NYAP2: variants seen among roughly 807,000 people sequenced by gnomAD.
The protein encoded by NYAP2 is neuronal tyrosine-phosphorylated phosphoinositide-3-kinase adaptor 2, also known as neuronal tyrosine-phosphorylated phosphoinositide-3-kinase adapter 2.
Under a neutral mutation model 50.4 loss-of-function variants are expected in NYAP2, and 23 were observed. That is an observed-to-expected ratio of 0.46 (90% confidence interval 0.33 to 0.65). The LOEUF is 0.65. Ranked by LOEUF, NYAP2 falls within the 30% of genes least tolerant of loss-of-function variation. The probability of loss-of-function intolerance (pLI) is 0.02; values close to 1 mark genes in which losing one functional copy is unlikely to be tolerated. For synonymous variants in NYAP2, 394 were observed against 365.2 expected, an observed-to-expected ratio of 1.08 and a Z score of -0.90; for missense variants, 885 against 861.0, an observed-to-expected ratio of 1.03 and a Z score of -0.35.
chr2:225,427,421 C>G (rs1230769563), intron 3 of NYAP2, among the ~76,000 whole-genome samples: 1 of 152,176 alleles, frequency 6.6e-6, no homozygotes, highest in African/African-American at 2.4e-5. Flanking sequence ...TCCGTCTTGA[C>G]AGATTGTAGT....
the NYAP2 span, among the ~76,000 whole-genome samples, chr2:225,664,405 T>TAACA: frequency 6.6e-6 from 1 of 152,180 alleles, no homozygotes; most frequent in Non-Finnish European, 1.5e-5. Flanking sequence ...AAATAATTGC[T>TAACA]AACAGTGGAA....
rs183216725 is a variant in NYAP2, at chr2:225,463,597, T to G, written c.222-49774T>G. Among the ~76,000 whole-genome samples, 131 of 152,374 alleles carry G rather than the reference T, an allele frequency of 8.6e-4. 1 individual carries two copies. Among genetic ancestry groups the G allele is most frequent in the Non-Finnish European group, 6.0e-4 (41 of 68,040 alleles). On this transcript the variant is annotated intron_variant, in intron 3 of 6. Coordinates refer to ENST00000636099, the Ensembl canonical transcript of NYAP2. ...ACAAAAATAAGTGCTGGGCTTATTT[T>G]ATTGTCAATCAAGATTTAATTGTGC...
At chr2:225,616,008 G>T (rs1389918779) in intron 5 of NYAP2, among the ~76,000 whole-genome samples, 5 of 152,166 alleles carry the variant, frequency 3.3e-5, no homozygotes, top group South Asian at 2.1e-4. Context: ...ATTGCTGTTT[G>T]TGCGATCTTG....
At chr2:225,595,204 A>G (rs1692575462) in intron 5 of NYAP2, among the ~76,000 whole-genome samples, 1 of 152,212 alleles carries the variant, frequency 6.6e-6, no homozygotes, top group South Asian at 2.1e-4. Context: ...AAGAATAAGG[A>G]TGAAAAAACA....
intron 3 of NYAP2, among the ~76,000 whole-genome samples, chr2:225,496,503 T>C (rs925456250): frequency 2.6e-5 from 4 of 152,160 alleles, no homozygotes; most frequent in African/African-American, 9.7e-5. Flanking sequence ...ATCCTGTATT[T>C]TCCAAGGTTT....
chr2:225,659,612 T>G, the NYAP2 span, among the ~76,000 whole-genome samples: 1 of 152,090 alleles, frequency 6.6e-6, no homozygotes, highest in Non-Finnish European at 1.5e-5. Flanking sequence ...TATTAACCAG[T>G]CAAAAACCTG....
At chr2:225,622,951 T>G (rs1693148388) in intron 5 of NYAP2, among the ~76,000 whole-genome samples, 1 of 152,196 alleles carries the variant, frequency 6.6e-6, no homozygotes. Flanking sequence ...CTATAAATAC[T>G]TAGGTCCTCC....
At chr2:225,501,528 C>G (rs1690607369) in intron 3 of NYAP2, among the ~76,000 whole-genome samples, 1 of 152,086 alleles carries the variant, frequency 6.6e-6, no homozygotes, top group Non-Finnish European at 1.5e-5. Context: ...TGCCTGGGGT[C>G]ACAAAACTAG....
chr2:225,583,982 T>A (rs1021144550), intron 5 of NYAP2, among the ~76,000 whole-genome samples: 1 of 151,986 alleles, frequency 6.6e-6, no homozygotes, highest in African/African-American at 2.4e-5. Context: ...GCAGAGCTTG[T>A]AGTGAGCCCA....
At chr2:225,701,238 A>C in the NYAP2 span, 1 of 151,996 alleles carries the variant, frequency 6.6e-6, no homozygotes, top group African/African-American at 2.4e-5. Context: ...CTCTGAAAGT[A>C]ATCAACTGGG....
chr2:225,697,951 T>A, the NYAP2 span, among the ~76,000 whole-genome samples: 1 of 151,846 alleles, frequency 6.6e-6, no homozygotes, highest in Non-Finnish European at 1.5e-5. Context: ...GGCGGGAGAA[T>A]TGCTTGAACC....
intron 5 of NYAP2, among the ~76,000 whole-genome samples, chr2:225,602,143 T>C (rs771570203): frequency 6.6e-6 from 1 of 152,170 alleles, no homozygotes; most frequent in Admixed American, 6.5e-5. Flanking sequence ...GGGGTTTTTA[T>C]GGACTGGAAG....
At chr2:225,406,304 G>C (rs1168643858) in intron 2 of NYAP2, among the ~76,000 whole-genome samples, 1 of 151,850 alleles carries the variant, frequency 6.6e-6, no homozygotes, top group Non-Finnish European at 1.5e-5. Flanking sequence ...TAAACAAAGA[G>C]GTGTGATGTT....
rs201552006 is a variant in NYAP2 at position 225,449,601 on chromosome 2, CTTTTTTTTTTTT to C, written c.221+40514_221+40525del. On this transcript the variant is annotated intron_variant, in intron 3 of 6. Transcript: ENST00000636099. ...ACCAGATCTCTCTCTCTCTCTTTCT[CTTTTTTTTTTTT>C]TTTTTTTTTTTTTGAGACAGAGTCT... Among the ~76,000 whole-genome samples the C allele has an allele frequency of 6.3e-3, 611 of 96,346 alleles. 4 individuals carry two copies. The highest frequency in any genetic ancestry group is 0.042 in the East Asian group (139 of 3,296). The allele number at this position is 96,346 out of a possible 152,430, so 63.2% of individuals were successfully genotyped here. A position where few individuals can be genotyped will look rare whatever the true frequency, so the allele number is the denominator to read the frequency against.
chr2:225,416,388 A>G (rs545009581), intron 3 of NYAP2, among the ~76,000 whole-genome samples: 6 of 152,250 alleles, frequency 3.9e-5, no homozygotes, highest in African/African-American at 1.2e-4. Context: ...TAGGTGCTCT[A>G]TATATTTTTT....
intron 3 of NYAP2, among the ~76,000 whole-genome samples, chr2:225,470,819 G>C (rs1690001307): frequency 6.6e-6 from 1 of 151,056 alleles, no homozygotes; most frequent in Admixed American, 6.6e-5. Flanking sequence ...ATATGTGTGT[G>C]TGTGTGTATA....
the NYAP2 span, among the ~76,000 whole-genome samples, chr2:225,685,586 T>G: frequency 6.7e-4 from 102 of 152,326 alleles, 1 homozygote; most frequent in East Asian, 0.018. Context: ...CTAGGTTGAA[T>G]TACTGAGAAA....
rs149117983 is a variant in NYAP2 at position 225,405,624 on chromosome 2, A to G, written c.-17-3240A>G. Among the ~76,000 whole-genome samples the G allele has an allele frequency of 3.5e-3, 537 of 152,130 alleles. 3 individuals are homozygous for G. The highest frequency in any genetic ancestry group is 0.012 in the African/African-American group (510 of 41,534). ...TGTTGTAATGAAGTAGACAATGAACATAAGGTTCTCTTTTCTCTAGTGAGG... is the reference window on the plus strand; with the variant it reads ...TGTTGTAATGAAGTAGACAATGAACGTAAGGTTCTCTTTTCTCTAGTGAGG... On this transcript the variant is annotated intron_variant, in intron 2 of 6. Transcript: ENST00000636099.
the NYAP2 span, among the ~76,000 whole-genome samples, chr2:225,669,856 G>T: frequency 2.0e-5 from 3 of 152,246 alleles, 1 homozygote; most frequent in South Asian, 6.2e-4. Context: ...GGGCAAGAAG[G>T]TTAAATAAAT....
Sources: allele counts gnomAD v4.1 joint callset (sites outside exome capture counted in the v4.1 genomes callset), GRCh38; gene constraint gnomAD v4.1.1; transcripts MANE v1.5; gene names NCBI Gene and HGNC (gene_info 2026-07-23, HGNC 2026-07-21).